The following ASAH2 variants were observed in gnomAD, a reference collection of about 807,000 sequenced individuals.
ASAH2 encodes neutral ceramidase.
Under a neutral mutation model 82.9 loss-of-function variants are expected in ASAH2, and 58 were observed. The observed-to-expected ratio is 0.70, with a 90% CI of 0.57 to 0.87. ASAH2 has a LOEUF of 0.87. ASAH2 is among the 40% of genes least tolerant of loss of function. The pLI is 0.00. For synonymous variants in ASAH2, 276 were observed against 289.7 expected, an observed-to-expected ratio of 0.95 and a Z score of 0.48; for missense variants, 779 against 834.0, an observed-to-expected ratio of 0.93 and a Z score of 0.81.
rs933254647 is a variant in ASAH2, at chr10:50,201,652, C to T, written c.1761+1177G>A. On this transcript the variant is annotated intron_variant, in intron 16 of 20. Coordinates refer to ENST00000682911, the MANE Select transcript of ASAH2 (RefSeq NM_019893.4). ...CTAACCTTGTTTGTGACATGGACTC[C>T]TTTGGCAGCATGTTGAGACCTAAGG... Among the ~76,000 whole-genome samples the T allele has an allele frequency of 3.9e-5, 6 of 152,206 alleles. No homozygotes were observed. In the South Asian group the frequency reaches 1.2e-3, roughly 32 times the overall value.
chr10:50,233,112 A>T, intron 7 of ASAH2, 72 bp downstream of exon 7: 1 of 1,116,624 alleles, frequency 9.0e-7, no homozygotes, highest in Non-Finnish European at 1.4e-6. Flanking sequence ...GTACTATTCT[A>T]GTCTCTTTTC....
chr10:50,208,033 C>A (rs1209660654), intron 12 of ASAH2, among the ~76,000 whole-genome samples: 2 of 151,802 alleles, frequency 1.3e-5, no homozygotes, highest in Admixed American at 1.3e-4. Context: ...TAATGCAGTA[C>A]AACATATTAA....
intron 4 of ASAH2, among the ~76,000 whole-genome samples, chr10:50,239,523 C>G (rs188245259): frequency 0.55 from 83,853 of 151,922 alleles, 27,940 homozygotes; most frequent in Non-Finnish European, 0.75. Flanking sequence ...TTAGAGCCAT[C>G]TCATTTTTCA....
intron 2 of ASAH2, among the ~76,000 whole-genome samples, chr10:50,247,042 C>CATTTAA (rs1421244520): frequency 2.0e-5 from 3 of 152,180 alleles, no homozygotes; most frequent in Non-Finnish European, 4.4e-5. Flanking sequence ...ACATAGAAAC[C>CATTTAA]ATTTAATAAA....
At chr10:50,195,827 A>G (rs1325859023) in intron 18 of ASAH2, among the ~76,000 whole-genome samples, 1 of 151,822 alleles carries the variant, frequency 6.6e-6, no homozygotes, top group East Asian at 1.9e-4. Flanking sequence ...TCACTTATAT[A>G]TAGAACCTTC....
chr10:50,203,540 A>G lies in ASAH2; in HGVS notation c.1665+100T>C, dbSNP rs980112697. ...CATATTAACCTTAGCCATTAATTTC[A>G]AGAAATGTGGAACTCTAGATATAGG... On this transcript the variant is annotated intron_variant, in intron 15 of 20. Coordinates refer to ENST00000682911, the MANE Select transcript of ASAH2 (RefSeq NM_019893.4). The G allele has an allele frequency of 1.5e-5, 16 of 1,068,320 alleles. No individual in the cohort carries two copies. In the East Asian group the frequency reaches 1.9e-4, roughly 13 times the overall value. 66.2% of individuals were successfully genotyped at this position (1,068,320 alleles called of 1,614,324 possible). A position where few individuals can be genotyped will look rare whatever the true frequency, so the allele number is the denominator to read the frequency against.
intron 2 of ASAH2, 104 bp downstream of exon 2, chr10:50,248,380 C>T (rs7071083): frequency 0.43 from 597,217 of 1,399,750 alleles, 133,674 homozygotes; most frequent in Non-Finnish European, 0.46. Flanking sequence ...CTTAAGTACA[C>T]GTAGAACTAT....
chr10:50,194,614 CA>C (rs1038559828), intron 18 of ASAH2, among the ~76,000 whole-genome samples: 2 of 149,670 alleles, frequency 1.3e-5, no homozygotes, highest in African/African-American at 2.5e-5. Context: ...GGATCTTCAG[CA>C]AAAAAAACAA....
At position 50,248,549 on chromosome 10, in the gene ASAH2, C is replaced by T. The variant is rs772081662; in HGVS notation, c.62G>A (p.Ser21Asn). Reference protein sequence around the residue: ...TFLIFLLVMMSAITVALLSLL... With the variant: ...TFLIFLLVMMNAITVALLSLL... ...GCTGAGAAGGGCCACTGTGATGGCA[C>T]TCATCATTACAAGGAGGAAAATCAG... The change falls in exon 2 of 21, where the codon AGT becomes AAT. Residue 21 changes from serine (S) to asparagine (N), a missense_variant. By Grantham distance (46) the Ser-to-Asn change is conservative. Coordinates refer to ENST00000682911, the MANE Select transcript of ASAH2 (RefSeq NM_019893.4). 13 of 1,613,456 alleles carry T rather than the reference C, an allele frequency of 8.1e-6. No individual in the cohort carries two copies. In the East Asian group the frequency reaches 1.3e-4, roughly 17 times the overall value.
chr10:50,203,579 G>GCCT, intron 15 of ASAH2, 61 bp downstream of exon 15: 1 of 497,322 alleles, frequency 2.0e-6, no homozygotes, highest in Non-Finnish European at 3.3e-6. Flanking sequence ...ATAGGGATAG[G>GCCT]ATATACTTTC....
At chr10:50,189,240 A>C (rs1237320845) in intron 20 of ASAH2, among the ~76,000 whole-genome samples, 1 of 144,902 alleles carries the variant, frequency 6.9e-6, no homozygotes, top group South Asian at 2.4e-4. Flanking sequence ...GGGGAAAAAA[A>C]ACAGAACAGA....
At chr10:50,248,390 T>G (rs1227359569) in intron 2 of ASAH2, 94 bp downstream of exon 2, 28 of 1,471,620 alleles carry the variant, frequency 1.9e-5, no homozygotes, top group Non-Finnish European at 2.6e-5. Context: ...CGTAGAACTA[T>G]CAGCAGACAC....
chr10:50,211,940 T>C (rs1845463525), intron 10 of ASAH2, among the ~76,000 whole-genome samples: 1 of 152,164 alleles, frequency 6.6e-6, no homozygotes, highest in Non-Finnish European at 1.5e-5. Flanking sequence ...CAAATCTCTA[T>C]GACTCTCCGG....
chr10:50,206,082 T>C lies in ASAH2; in HGVS notation c.1430A>G (p.Asp477Gly). 6.2e-7 allele frequency: 1 copy of C among 1,611,684 alleles called. No homozygotes were observed. The highest frequency in any genetic ancestry group is 8.5e-7 in the Non-Finnish European group (1 of 1,178,036). Reference protein sequence around the residue: ...LNFTQGKTEGDPFWDTIRDQI... With the variant: ...LNFTQGKTEGGPFWDTIRDQI... ...GTCCCGAATGGTGTCCCAAAATGGA[T>C]CCCCTTCTGTTTTCCCTATTAGAAA... is the stretch of plus-strand genomic sequence containing the variant. Residue 477 changes from aspartate to glycine, a missense_variant, in exon 13 of 21, where the codon GAT (aspartate) becomes GGT (glycine). Around this residue, in one of 3 missense-constraint regions of ASAH2, gnomAD observed 759 missense variants for 755.2 expected, o/e 1.00. Transcript: ENST00000682911.
At chr10:50,247,177 G>A (rs1216081529) in intron 2 of ASAH2, among the ~76,000 whole-genome samples, 1 of 150,004 alleles carries the variant, frequency 6.7e-6, no homozygotes, top group Non-Finnish European at 1.5e-5. Context: ...TTTTTAAATG[G>A]AGTCTCACTC....
chr10:50,198,965 T>C, intron 17 of ASAH2, 86 bp downstream of exon 17: 5 of 1,461,468 alleles, frequency 3.4e-6, no homozygotes, highest in East Asian at 2.3e-5. Flanking sequence ...TGCATTTTCT[T>C]ACCCAGACAC....
intron 7 of ASAH2, among the ~76,000 whole-genome samples, chr10:50,226,502 C>T (rs1845887740): frequency 1.3e-5 from 2 of 151,904 alleles, no homozygotes; most frequent in African/African-American, 4.8e-5. Flanking sequence ...TTAAAAATTA[C>T]TTGATACAAC....
In ASAH2 at chr10:50,249,960, A is replaced by G. The variant is rs191592353; in HGVS notation, c.-36-1314T>C. Among the ~76,000 whole-genome samples the G allele has an allele frequency of 5.9e-5, 9 of 152,340 alleles. No individual in the cohort carries two copies. The East Asian group carries it at 1.7e-3, about 29-fold the overall frequency. On this transcript the variant is annotated intron_variant, in intron 1 of 20. Transcript: ENST00000682911. ...AAGAGTTAATAAATGGCAACAATGT[A>G]GATGTATTTAGTACAGTCAATTTTT...
chr10:50,187,895 G>GTATATA (rs1316750665), intron 20 of ASAH2, among the ~76,000 whole-genome samples: 1 of 18,706 alleles, frequency 5.3e-5, no homozygotes, highest in African/African-American at 6.1e-5. Flanking sequence ...ATGTGTGTGT[G>GTATATA]TATATATATA....
Sources: gnomAD v4.1 joint callset for allele counts (sites outside exome capture counted in the v4.1 genomes callset) on GRCh38, gnomAD v4.1.1 for gene constraint, gnomAD v4.1.1 regional missense constraint, MANE v1.5 for transcripts, NCBI Gene and HGNC (gene_info 2026-07-23, HGNC 2026-07-21) for gene names.